The following DLGAP1 variants were observed in gnomAD, a reference collection of about 807,000 sequenced individuals.
DLGAP1 encodes the protein disks large-associated protein 1.
A neutral mutation model predicts 90.8 loss-of-function variants in DLGAP1; 11 were observed. That is an observed-to-expected ratio of 0.12 (90% CI 0.08 to 0.20). The LOEUF (loss-of-function observed/expected upper bound fraction) is 0.20. DLGAP1 is among the 10% of genes least tolerant of loss of function. The probability of loss-of-function intolerance (pLI) is 1.00; values close to 1 mark genes in which losing one functional copy is unlikely to be tolerated. For missense variants in DLGAP1, 1,050 were observed against 1,333.8 expected (o/e 0.79, Z 3.31); for synonymous variants, 558 against 540.7 (o/e 1.03, Z -0.44).
intron 1 of DLGAP1, among the ~76,000 whole-genome samples, chr18:4,216,882 T>C (rs536010368): frequency 2.7e-4 from 41 of 152,118 alleles, no homozygotes; most frequent in Non-Finnish European, 5.3e-4. Context: ...TAATATATTA[T>C]TATTAACCGA....
chr18:3,932,501 T>C (rs2072541909), intron 3 of DLGAP1, among the ~76,000 whole-genome samples: 1 of 152,200 alleles, frequency 6.6e-6, no homozygotes, highest in Admixed American at 6.5e-5. Flanking sequence ...CGGGGGAGCC[T>C]AGGCCCTGCC....
intron 10 of DLGAP1, among the ~76,000 whole-genome samples, chr18:3,522,293 C>T (rs929708416): frequency 7.2e-5 from 11 of 151,888 alleles, no homozygotes; most frequent in Non-Finnish European, 1.2e-4. Flanking sequence ...CGTGCCACCA[C>T]GCCCAGCTAA....
At chr18:4,116,944 T>C (rs2144064884) in intron 2 of DLGAP1, among the ~76,000 whole-genome samples, 1 of 152,272 alleles carries the variant, frequency 6.6e-6, no homozygotes, top group East Asian at 1.9e-4. Context: ...CTCCCCAAAA[T>C]TCACAGATTG....
At chr18:4,369,815 T>TAAAAA (rs11387946) in intron 1 of DLGAP1, among the ~76,000 whole-genome samples, 4 of 74,648 alleles carry the variant, frequency 5.4e-5, no homozygotes, top group African/African-American at 9.8e-5. Flanking sequence ...AAAGTCTTAG[T>TAAAAA]AAAAAAAAAA....
At chr18:4,057,541 AG>A (rs2143217398) in intron 2 of DLGAP1, among the ~76,000 whole-genome samples, 1 of 152,346 alleles carries the variant, frequency 6.6e-6, no homozygotes, top group African/African-American at 2.4e-5. Flanking sequence ...TCCAAGTCAA[AG>A]GTCAAACCAT....
At chr18:4,309,215 T>C (rs1477669147) in intron 1 of DLGAP1, among the ~76,000 whole-genome samples, 2 of 152,150 alleles carry the variant, frequency 1.3e-5, no homozygotes, top group African/African-American at 2.4e-5. Context: ...GCATTGTGCT[T>C]TGGGGTTCAA....
At chr18:3,735,529 T>A (rs931986529) in intron 6 of DLGAP1, among the ~76,000 whole-genome samples, 2 of 152,184 alleles carry the variant, frequency 1.3e-5, no homozygotes, top group East Asian at 1.9e-4. Context: ...GGCCCAAAAT[T>A]CATATTATAT....
intron 7 of DLGAP1, among the ~76,000 whole-genome samples, chr18:3,695,145 C>T (rs545973545): frequency 2.0e-4 from 30 of 151,872 alleles, no homozygotes; most frequent in African/African-American, 6.8e-4. Context: ...GGGGTTTCAC[C>T]GTGTTAGCCA....
chr18:4,441,035 A>T (rs1023112957), intron 1 of DLGAP1, among the ~76,000 whole-genome samples: 1 of 152,240 alleles, frequency 6.6e-6, no homozygotes, highest in African/African-American at 2.4e-5. Context: ...TCTTTCAGGT[A>T]TATCTCACAA....
chr18:4,387,923 TCACACATACACACA>T (rs1395285579), intron 1 of DLGAP1, among the ~76,000 whole-genome samples: 1 of 33,668 alleles, frequency 3.0e-5, no homozygotes, highest in African/African-American at 5.9e-5. Context: ...AGAGACTCCA[TCACACATACACACA>T]CACACACACA....
intron 4 of DLGAP1, among the ~76,000 whole-genome samples, chr18:3,856,627 C>T (rs1360585390): frequency 1.3e-5 from 2 of 151,956 alleles, no homozygotes; most frequent in African/African-American, 4.8e-5. Context: ...TTTGGGAGGC[C>T]GAAGCGGGCA....
chr18:3,898,590 G>C (rs2071709722), intron 3 of DLGAP1, among the ~76,000 whole-genome samples: 1 of 152,152 alleles, frequency 6.6e-6, no homozygotes, highest in Non-Finnish European at 1.5e-5. Flanking sequence ...GCAGCATATG[G>C]CTGCATAAAT....
rs932236491 is a variant in DLGAP1 at position 3,775,754 on chromosome 18, A to T, written c.1173-33242T>A. On this transcript the variant is annotated intron_variant, in intron 5 of 12. Transcript: ENST00000315677. The surrounding 1 kb of genome is among the most constrained non-coding windows in gnomAD (Gnocchi z 4.9). ...CTTGGCCCCTACAACAGCTCAAAAA[A>T]TTGTCACAAAGTGAACATGCCCATG... is the stretch of plus-strand genomic sequence containing the variant. Among the ~76,000 whole-genome samples the T allele has an allele frequency of 2.0e-5, 3 of 152,182 alleles. No individual in the cohort carries two copies. The highest frequency in any genetic ancestry group is 2.9e-5 in the Non-Finnish European group (2 of 68,024).
chr18:3,798,648 AG>A (rs971352041), intron 5 of DLGAP1, among the ~76,000 whole-genome samples: 2 of 152,052 alleles, frequency 1.3e-5, no homozygotes, highest in Non-Finnish European at 2.9e-5. Context: ...ATTCCCTCTA[AG>A]GTTGTTTATT....
chr18:3,566,968 A>C (rs1387707595), intron 9 of DLGAP1, among the ~76,000 whole-genome samples: 1 of 152,092 alleles, frequency 6.6e-6, no homozygotes, highest in Non-Finnish European at 1.5e-5. Context: ...ATTTATAGAT[A>C]CTAAGGCTCT....
chr18:4,117,701 G>A (rs2076085172), intron 2 of DLGAP1, among the ~76,000 whole-genome samples: 1 of 152,176 alleles, frequency 6.6e-6, no homozygotes, highest in Admixed American at 6.5e-5. Context: ...CGGACTACTA[G>A]CTTGGATTTT....
At chr18:3,858,488 ATACGTG>A (rs2069799699) in intron 4 of DLGAP1, among the ~76,000 whole-genome samples, 4 of 149,652 alleles carry the variant, frequency 2.7e-5, no homozygotes, top group South Asian at 2.1e-4. Flanking sequence ...ATATATATAT[ATACGTG>A]TATATATACA....
intron 1 of DLGAP1, among the ~76,000 whole-genome samples, chr18:4,271,397 C>T (rs2079277840): frequency 6.6e-6 from 1 of 152,098 alleles, no homozygotes; most frequent in African/African-American, 2.4e-5. Flanking sequence ...GCAAGTAAGG[C>T]AATCTTAGAG....
At chr18:4,052,389 A>G (rs2075147428) in intron 2 of DLGAP1, among the ~76,000 whole-genome samples, 2 of 152,086 alleles carry the variant, frequency 1.3e-5, no homozygotes, top group Non-Finnish European at 2.9e-5. Flanking sequence ...GACCAACACT[A>G]TGTGGATGTT....
Sources: gnomAD v4.1 joint callset for allele counts (sites outside exome capture counted in the v4.1 genomes callset) on GRCh38, gnomAD v4.1.1 for gene constraint, Gnocchi (gnomAD v3.1) non-coding constraint, MANE v1.5 for transcripts, NCBI Gene and HGNC (gene_info 2026-07-23, HGNC 2026-07-21) for gene names.